The following ULK4 variants were observed in gnomAD, a reference collection of about 807,000 sequenced individuals.
ULK4 encodes the protein unc-51 like kinase 4.
A neutral mutation model predicts 160.6 loss-of-function variants in ULK4; 133 were observed. The observed-to-expected ratio is 0.83, with a 90% CI of 0.72 to 0.96. The LOEUF (loss-of-function observed/expected upper bound fraction) is 0.96, where lower values mean the gene tolerates loss of function less well. Ranked by LOEUF, ULK4 falls within the 40% of genes least tolerant of loss-of-function variation. The pLI, the probability that ULK4 is intolerant of heterozygous loss-of-function variation, is 0.00. For missense variants in ULK4, 1,580 were observed against 1,499.5 expected (o/e 1.05, Z -0.89); for synonymous variants, 534 against 539.8 (o/e 0.99, Z 0.15).
intron 22 of ULK4, among the ~76,000 whole-genome samples, chr3:41,721,299 GA>G (rs1559507525): frequency 5.2e-5 from 4 of 77,296 alleles, no homozygotes; most frequent in Non-Finnish European, 6.7e-5. Flanking sequence ...TTTGAACCAT[GA>G]GTATGTGTTA....
chr3:41,487,988 A>G (rs1422005858), intron 32 of ULK4, among the ~76,000 whole-genome samples: 1 of 152,172 alleles, frequency 6.6e-6, no homozygotes, highest in Admixed American at 6.6e-5. Context: ...ACAAATGATC[A>G]ATGATTCTAT....
At chr3:41,494,970 A>C (rs2125911061) in intron 32 of ULK4, among the ~76,000 whole-genome samples, 1 of 152,238 alleles carries the variant, frequency 6.6e-6, no homozygotes, top group East Asian at 1.9e-4. Context: ...GCTCATAGGT[A>C]GGAAGAATCA....
intron 30 of ULK4, among the ~76,000 whole-genome samples, chr3:41,639,090 T>C (rs2034077491): frequency 6.6e-6 from 1 of 152,204 alleles, no homozygotes; most frequent in Non-Finnish European, 1.5e-5. Flanking sequence ...GAAAGTACAC[T>C]GATCACATCA....
intron 17 of ULK4, among the ~76,000 whole-genome samples, chr3:41,862,022 G>C (rs1028011490): frequency 1.3e-5 from 2 of 151,936 alleles, no homozygotes; most frequent in Admixed American, 6.6e-5. Context: ...ATGTTGCCCA[G>C]GCTGGTCTCA....
chr3:41,905,152 G>C (rs978218397), intron 12 of ULK4, among the ~76,000 whole-genome samples: 2 of 152,098 alleles, frequency 1.3e-5, no homozygotes, highest in African/African-American at 4.8e-5. Flanking sequence ...ATAGATAACA[G>C]AACAGAATCC....
rs1338409749 is a variant in ULK4, at chr3:41,535,839, G to T, written c.3226+30186C>A. On this transcript the variant is annotated intron_variant, in intron 32 of 36. Coordinates refer to ENST00000301831, the MANE Select transcript of ULK4 (RefSeq NM_017886.4). ...CCTCTGCTCTAACATCCACCAGCTG[G>T]GGCCAGGATAGAGTTTCTGACCTCA... is the stretch of plus-strand genomic sequence containing the variant. Among the ~76,000 whole-genome samples, 9 of 152,096 alleles carry T rather than the reference G, an allele frequency of 5.9e-5. 1 individual carries two copies. Among genetic ancestry groups the T allele is most frequent in the African/African-American group, 2.2e-4 (9 of 41,406 alleles).
At chr3:41,823,176 G>A (rs900663545) in intron 18 of ULK4, among the ~76,000 whole-genome samples, 3 of 152,142 alleles carry the variant, frequency 2.0e-5, no homozygotes, top group Non-Finnish European at 4.4e-5. Context: ...TTTCTGAAGG[G>A]ATTTTTGAGC....
intron 31 of ULK4, among the ~76,000 whole-genome samples, chr3:41,572,153 T>TTAC (rs1260114755): frequency 6.6e-6 from 1 of 152,212 alleles, no homozygotes. Context: ...TTGGTGAAGC[T>TTAC]GGGATTTGGT....
chr3:41,932,974 G>A (rs1421229612), intron 4 of ULK4, among the ~76,000 whole-genome samples: 1 of 152,200 alleles, frequency 6.6e-6, no homozygotes, highest in Non-Finnish European at 1.5e-5. Context: ...AACCTGGGAG[G>A]CAGAGGTTGC....
At chr3:41,554,646 A>G (rs1039203376) in intron 32 of ULK4, among the ~76,000 whole-genome samples, 2 of 152,090 alleles carry the variant, frequency 1.3e-5, no homozygotes, top group African/African-American at 2.4e-5. Context: ...GGTTGATATC[A>G]CCATATGGTG....
Position 41,825,246 on chromosome 3 carries a change from T to G in ULK4, c.1765-5740A>C, listed in dbSNP as rs188145867. ...GCAGAAAAACTGGAAACTCTAAAAATCAGAGCACCTCTCCTCCTCCAAAGG... is the reference window on the plus strand; with the variant it reads ...GCAGAAAAACTGGAAACTCTAAAAAGCAGAGCACCTCTCCTCCTCCAAAGG... On this transcript the variant is annotated intron_variant, in intron 18 of 36. Transcript: ENST00000301831. Among the ~76,000 whole-genome samples the G allele has an allele frequency of 1.3e-3, 204 of 152,208 alleles. 3 individuals are homozygous for G. Among genetic ancestry groups the G allele is most frequent in the Non-Finnish European group, 2.1e-3 (140 of 68,014 alleles).
At chr3:41,702,626 A>G (rs1285882489) in intron 27 of ULK4, among the ~76,000 whole-genome samples, 3 of 152,154 alleles carry the variant, frequency 2.0e-5, no homozygotes, top group Admixed American at 6.6e-5. Context: ...ATTACTAGAT[A>G]TAAAGAGGGC....
At chr3:41,599,636 C>T (rs573859724) in intron 31 of ULK4, among the ~76,000 whole-genome samples, 3 of 148,094 alleles carry the variant, frequency 2.0e-5, no homozygotes, top group Non-Finnish European at 3.0e-5. Context: ...GCGATCTCGG[C>T]TCACTGCAAC....
At chr3:41,552,733 GAA>G (rs34052124) in intron 32 of ULK4, among the ~76,000 whole-genome samples, 2 of 149,942 alleles carry the variant, frequency 1.3e-5, no homozygotes, top group Non-Finnish European at 3.0e-5. Flanking sequence ...TACAGAAATA[GAA>G]AAAAAAAATC....
chr3:41,562,483 T>C (rs771431255), intron 32 of ULK4, among the ~76,000 whole-genome samples: 9 of 152,170 alleles, frequency 5.9e-5, no homozygotes, highest in Non-Finnish European at 1.0e-4. Context: ...CCATTATTAT[T>C]GTGTGGGAGT....
intron 16 of ULK4, 39 bp from the exon 17 acceptor site, chr3:41,883,991 C>A: frequency 2.0e-6 from 3 of 1,468,824 alleles, no homozygotes; most frequent in Non-Finnish European, 2.9e-6. Flanking sequence ...AAAGAAGAGT[C>A]GGGGACCGAG....
chr3:41,830,309 T>C (rs1271304798), intron 18 of ULK4, among the ~76,000 whole-genome samples: 3 of 151,946 alleles, frequency 2.0e-5, no homozygotes, highest in Admixed American at 6.6e-5. Context: ...AAAAAAGGTA[T>C]ATACCAAGGA....
chr3:41,835,982 A>AG lies in ULK4; in HGVS notation c.1657-12_1657-11insC. ...TAAGAGAACAATTGCCTGCAAAGACAAAAAAAAAAAAAGTAAATTATTTCA... is the reference window on the plus strand; with the variant it reads ...TAAGAGAACAATTGCCTGCAAAGACAGAAAAAAAAAAAAGTAAATTATTTCA... On this transcript the variant is annotated splice_polypyrimidine_tract_variant and intron_variant, in intron 17 of 36. Transcript: ENST00000301831. The AG allele has an allele frequency of 2.4e-6, 1 of 420,400 alleles. No individual in the cohort carries two copies. Among genetic ancestry groups the AG allele is most frequent in the Non-Finnish European group, 3.2e-6 (1 of 308,146 alleles). The allele number at this position is 420,400 out of a possible 1,614,324, so 26.0% of individuals were successfully genotyped here.
chr3:41,588,148 G>A (rs1012676367), intron 31 of ULK4, among the ~76,000 whole-genome samples: 1 of 152,082 alleles, frequency 6.6e-6, no homozygotes, highest in African/African-American at 2.4e-5. Flanking sequence ...AAAAGAAGCA[G>A]GTGGTGAGGG....
Sources: allele counts gnomAD v4.1 joint callset (sites outside exome capture counted in the v4.1 genomes callset), GRCh38; gene constraint gnomAD v4.1.1; transcripts MANE v1.5; gene names NCBI Gene and HGNC (gene_info 2026-07-23, HGNC 2026-07-21).